ESRRG: variants seen among roughly 807,000 people sequenced by gnomAD.
The protein encoded by ESRRG is estrogen related receptor gamma, also known as estrogen-related receptor gamma.
A neutral mutation model predicts 44.0 loss-of-function variants in ESRRG; 13 were observed. That is an observed-to-expected ratio of 0.30 (90% CI 0.19 to 0.47). ESRRG has a LOEUF of 0.47. Ranked by LOEUF, ESRRG falls within the 20% of genes least tolerant of loss-of-function variation. The pLI, the probability that ESRRG is intolerant of heterozygous loss-of-function variation, is 1.00. For missense variants in ESRRG, 395 were observed against 580.6 expected, an observed-to-expected ratio of 0.68 and a Z score of 3.29; for synonymous variants, 215 against 214.6, an observed-to-expected ratio of 1.00 and a Z score of -0.02.
At chr1:216,539,666 C>T (rs1005585748) in intron 5 of ESRRG, among the ~76,000 whole-genome samples, 20 of 151,928 alleles carry the variant, frequency 1.3e-4, no homozygotes, top group Admixed American at 6.6e-4. Flanking sequence ...TGCTGGATCG[C>T]TAGTGTTTAG....
At chr1:216,989,450 A>AAAAAAAC (rs1553757484) in intron 1 of ESRRG, among the ~76,000 whole-genome samples, 2 of 142,490 alleles carry the variant, frequency 1.4e-5, no homozygotes, top group African/African-American at 2.6e-5. Context: ...AAAAAAAAAA[A>AAAAAAAC]CACAGTGGGA....
At chr1:216,941,829 C>T (rs1464899264) in intron 1 of ESRRG, among the ~76,000 whole-genome samples, 1 of 152,038 alleles carries the variant, frequency 6.6e-6, no homozygotes, top group Admixed American at 6.6e-5. Context: ...TTGTGGGTAA[C>T]CCAGGAAATG....
At chr1:216,591,978 T>G (rs2057744294) in intron 3 of ESRRG, among the ~76,000 whole-genome samples, 1 of 152,078 alleles carries the variant, frequency 6.6e-6, no homozygotes, top group Non-Finnish European at 1.5e-5. Context: ...ATACCCCCAG[T>G]CAAGTGACCA....
intron 2 of ESRRG, among the ~76,000 whole-genome samples, chr1:216,815,694 C>A (rs2095113964): frequency 1.3e-5 from 2 of 152,210 alleles, no homozygotes; most frequent in African/African-American, 4.8e-5. Context: ...TTCAGCGCAG[C>A]TGGTGGAGGG....
chr1:216,785,732 C>T (rs550534650), intron 2 of ESRRG, among the ~76,000 whole-genome samples: 1 of 151,944 alleles, frequency 6.6e-6, no homozygotes, highest in East Asian at 1.9e-4. Context: ...TAATTTTTAG[C>T]AAGTCATTAA....
At chr1:217,134,712 C>T (rs12563911) in intron 1 of ESRRG, among the ~76,000 whole-genome samples, 7,919 of 152,294 alleles carry the variant, frequency 0.052, 323 homozygotes, top group East Asian at 0.22. Context: ...GCGTGTTTGG[C>T]GCGGCTACGT....
chr1:216,792,374 T>C (rs984681494), intron 2 of ESRRG, among the ~76,000 whole-genome samples: 2 of 152,168 alleles, frequency 1.3e-5, no homozygotes, highest in Admixed American at 1.3e-4. Context: ...CCTCTAGCTA[T>C]TACTCTCTAT....
chr1:216,771,444 A>G (rs2152393889), intron 2 of ESRRG, among the ~76,000 whole-genome samples: 1 of 152,292 alleles, frequency 6.6e-6, no homozygotes, highest in East Asian at 1.9e-4. Context: ...AAGGAAGAAG[A>G]ACCTCGCCCT....
intron 1 of ESRRG, among the ~76,000 whole-genome samples, chr1:217,051,207 G>GGA (rs886311108): frequency 2.0e-4 from 26 of 127,386 alleles, no homozygotes; most frequent in African/African-American, 7.4e-4. Flanking sequence ...ATGGGGGCGG[G>GGA]GGGGGGGGGT....
chr1:216,658,891 AAGAG>A (rs2071438477), intron 2 of ESRRG, among the ~76,000 whole-genome samples: 1 of 150,070 alleles, frequency 6.7e-6, no homozygotes, highest in African/African-American at 2.5e-5. Flanking sequence ...AAGAGAAGAG[AAGAG>A]AAGAGAAGAG....
At chr1:216,642,033 A>T (rs1259589218) in intron 3 of ESRRG, among the ~76,000 whole-genome samples, 2 of 152,194 alleles carry the variant, frequency 1.3e-5, no homozygotes, top group Non-Finnish European at 2.9e-5. Flanking sequence ...ATCTCATAAT[A>T]CCCATAGCCT....
chr1:217,031,405 GA>G (rs1447829964), intron 1 of ESRRG, among the ~76,000 whole-genome samples: 1 of 152,210 alleles, frequency 6.6e-6, no homozygotes, highest in Non-Finnish European at 1.5e-5. Context: ...GAAAGAGAAG[GA>G]AAGGAGAGTC....
chr1:216,516,632 C>CAT lies in ESRRG; in HGVS notation c.1132+2519_1132+2520insAT, dbSNP rs1437460941. On this transcript the variant is annotated intron_variant, in intron 6 of 6. Coordinates refer to ENST00000408911, the MANE Select transcript of ESRRG (RefSeq NM_001438.4). ...TTAATCTGGAATTCCTAAACACACACACATACACACACACACACACACACA... is the reference window on the plus strand; with the variant it reads ...TTAATCTGGAATTCCTAAACACACACATACATACACACACACACACACACACA... Among the ~76,000 whole-genome samples the CAT allele has an allele frequency of 8.0e-3, 1,029 of 128,546 alleles. 9 individuals are homozygous for CAT. Among genetic ancestry groups the CAT allele is most frequent in the African/African-American group, 0.03 (913 of 30,034 alleles). 84.3% of individuals were successfully genotyped at this position (128,546 alleles called of 152,430 possible).
rs139164284 is a variant in ESRRG at position 216,802,493 on chromosome 1, C to G, written c.-13-125002G>C. ...ATGAACAAAATCAAATAACTATATT[C>G]AGGACCAGCTACATAATTTGTGGGG... is the stretch of plus-strand genomic sequence containing the variant. On this transcript the variant is annotated intron_variant, in intron 2 of 7. Transcript: ENST00000359162. 3.2e-3 allele frequency among the ~76,000 whole-genome samples: 492 copies of G among 152,262 alleles called. 3 individuals carry two copies. The Middle Eastern group carries it at 0.065, about 20-fold the overall frequency.
chr1:216,609,769 A>G (rs971097490), intron 3 of ESRRG, among the ~76,000 whole-genome samples: 2 of 152,254 alleles, frequency 1.3e-5, no homozygotes, highest in Non-Finnish European at 2.9e-5. Flanking sequence ...TTATTGACGC[A>G]TTAGTTAACA....
At chr1:216,939,368 A>AAAAAAAAAAAAAAAT (rs2064812798) in intron 2 of ESRRG, among the ~76,000 whole-genome samples, 1 of 143,554 alleles carries the variant, frequency 7.0e-6, no homozygotes, top group Non-Finnish European at 1.5e-5. Context: ...AAAAAAAAAA[A>AAAAAAAAAAAAAAAT]AACACTTTAA....
intron 2 of ESRRG, among the ~76,000 whole-genome samples, chr1:216,866,634 G>C (rs368581499): frequency 1.3e-5 from 2 of 150,912 alleles, no homozygotes; most frequent in African/African-American, 4.9e-5. Flanking sequence ...GCAATGGTGC[G>C]GCCTCAGCTC....
chr1:216,588,467 C>T (rs547564988), intron 3 of ESRRG, among the ~76,000 whole-genome samples: 1 of 152,224 alleles, frequency 6.6e-6, no homozygotes, highest in East Asian at 1.9e-4. Context: ...ATTTTATGGC[C>T]TTTATGTTCT....
chr1:216,541,552 C>G (rs2052721054), intron 5 of ESRRG, among the ~76,000 whole-genome samples: 1 of 136,056 alleles, frequency 7.3e-6, no homozygotes, highest in African/African-American at 2.8e-5. Flanking sequence ...CTATTTGAGT[C>G]TTTTGGTTAG....
Sources: allele counts gnomAD v4.1 joint callset (sites outside exome capture counted in the v4.1 genomes callset), GRCh38; gene constraint gnomAD v4.1.1; transcripts MANE v1.5; gene names NCBI Gene and HGNC (gene_info 2026-07-23, HGNC 2026-07-21).